The following FAM135B variants were observed in gnomAD, a reference collection of about 807,000 sequenced individuals.
FAM135B encodes the protein protein FAM135B.
In FAM135B, 43 loss-of-function variants were observed where a neutral mutation model predicts 127.7. The ratio of observed to expected loss-of-function variants is 0.34; its 90% CI spans 0.26 to 0.43. FAM135B has a LOEUF of 0.43. FAM135B is among the 20% of genes least tolerant of loss of function. The probability of loss-of-function intolerance (pLI) is 1.00; values close to 1 mark genes in which losing one functional copy is unlikely to be tolerated. For synonymous variants in FAM135B, 670 were observed against 665.1 expected (o/e 1.01, Z -0.11); for missense variants, 1,558 against 1,725.6 (o/e 0.90, Z 1.72).
chr8:138,350,600 G>T (rs959133599), intron 2 of FAM135B, among the ~76,000 whole-genome samples: 2 of 152,120 alleles, frequency 1.3e-5, no homozygotes, highest in African/African-American at 4.8e-5. Flanking sequence ...GTATCTGAAG[G>T]ACTAATGTTC....
At chr8:138,386,731 C>G (rs1832241655) in intron 1 of FAM135B, among the ~76,000 whole-genome samples, 1 of 152,166 alleles carries the variant, frequency 6.6e-6, no homozygotes, top group Non-Finnish European at 1.5e-5. Context: ...AATATCTCAG[C>G]AAAGGCTGCT....
At chr8:138,208,704 A>C (rs1271628772) in intron 7 of FAM135B, among the ~76,000 whole-genome samples, 2 of 152,220 alleles carry the variant, frequency 1.3e-5, no homozygotes, top group African/African-American at 2.4e-5. Context: ...AAGGGGAAAG[A>C]GTTCTTTGCC....
At position 138,310,849 on chromosome 8, in the gene FAM135B, C is replaced by A. The variant is rs2130892667; in HGVS notation, c.149G>T (p.Gly50Val). The A allele has an allele frequency of 6.2e-7, 1 of 1,613,822 alleles. No homozygotes were observed. Among genetic ancestry groups the A allele is most frequent in the Non-Finnish European group, 8.5e-7 (1 of 1,179,896 alleles). Reference protein sequence around the residue: ...IPHRLSASIAGQTESSSLHSA... With the variant: ...IPHRLSASIAVQTESSSLHSA... ...GCCATTCTTCTGCTCACCTGTCTGC[C>A]CAGCGATGGAGGCACTCAGTCTGTG... is the stretch of plus-strand genomic sequence containing the variant. Residue 50 changes from glycine (G) to valine (V), a missense_variant, in exon 3 of 20, where the codon GGG becomes GTG. By Grantham distance (109) the Gly-to-Val change is moderately radical. Transcript: ENST00000395297.
chr8:138,405,930 A>G (rs908972529), intron 1 of FAM135B, among the ~76,000 whole-genome samples: 11 of 151,754 alleles, frequency 7.2e-5, no homozygotes, highest in African/African-American at 2.7e-4. Flanking sequence ...ATGGTGTCTC[A>G]TTGTGGTTTT....
chr8:138,477,935 A>C (rs1226530460), intron 1 of FAM135B, among the ~76,000 whole-genome samples: 1 of 152,174 alleles, frequency 6.6e-6, no homozygotes, highest in Non-Finnish European at 1.5e-5. Context: ...AGACAGACAT[A>C]CAGTAAAGAT....
chr8:138,138,946 G>A (rs776583585), intron 18 of FAM135B, 40 bp downstream of exon 18: 2 of 1,265,012 alleles, frequency 1.6e-6, no homozygotes, highest in African/African-American at 2.9e-5. Flanking sequence ...TGAATCCCAA[G>A]CTCAAACTCA....
At chr8:138,335,322 C>CTCA (rs1828491474) in intron 2 of FAM135B, among the ~76,000 whole-genome samples, 1 of 152,126 alleles carries the variant, frequency 6.6e-6, no homozygotes, top group African/African-American at 2.4e-5. Flanking sequence ...GCCCAGCACC[C>CTCA]TCATCATCTT....
intron 9 of FAM135B, among the ~76,000 whole-genome samples, chr8:138,191,805 T>C (rs1385444018): frequency 6.6e-6 from 1 of 152,212 alleles, no homozygotes; most frequent in African/African-American, 2.4e-5. Flanking sequence ...AACTCTACTT[T>C]ATGACCACAA....
chr8:138,190,552 A>G (rs138927343), intron 9 of FAM135B, among the ~76,000 whole-genome samples: 1 of 152,380 alleles, frequency 6.6e-6, no homozygotes, highest in East Asian at 1.9e-4. Flanking sequence ...GAACCCTGCA[A>G]AGCTGCGTCT....
intron 7 of FAM135B, among the ~76,000 whole-genome samples, chr8:138,230,928 T>G (rs1010214374): frequency 6.6e-6 from 1 of 152,252 alleles, no homozygotes; most frequent in African/African-American, 2.4e-5. Flanking sequence ...TTTTAAAATC[T>G]GCTTTGTTGC....
chr8:138,198,219 C>T (rs1816821833), intron 7 of FAM135B, among the ~76,000 whole-genome samples: 1 of 152,232 alleles, frequency 6.6e-6, no homozygotes. Context: ...TGCACATGCT[C>T]TCTTGCCTGC....
chr8:138,460,577 T>C (rs1837063322), intron 1 of FAM135B, among the ~76,000 whole-genome samples: 1 of 152,198 alleles, frequency 6.6e-6, no homozygotes, highest in African/African-American at 2.4e-5. Flanking sequence ...TTGTGCCTGC[T>C]TCAGACTATT....
At chr8:138,450,754 T>G (rs1232584166) in intron 1 of FAM135B, 3 of 152,178 alleles carry the variant, frequency 2.0e-5, no homozygotes, top group Non-Finnish European at 4.4e-5. Flanking sequence ...TCTCATTCCT[T>G]ACTCAGCAAG....
chr8:138,218,783 AGAGAGAGAGAGAGAGAGAGAGG>A (rs1384802269), intron 7 of FAM135B, among the ~76,000 whole-genome samples: 5 of 118,850 alleles, frequency 4.2e-5, no homozygotes, highest in Non-Finnish European at 7.4e-5. Context: ...AGAGAGAGAG[AGAGAGAGAGAGAGAGAGAGAGG>A]GAGAGAAAGA....
intron 1 of FAM135B, among the ~76,000 whole-genome samples, chr8:138,491,769 T>C (rs1815209686): frequency 6.6e-6 from 1 of 152,026 alleles, no homozygotes; most frequent in African/African-American, 2.4e-5. Context: ...TAGAAGTAGG[T>C]GGTAAGGGTG....
intron 9 of FAM135B, among the ~76,000 whole-genome samples, chr8:138,189,375 C>T (rs999548051): frequency 6.6e-6 from 1 of 152,224 alleles, no homozygotes; most frequent in African/African-American, 2.4e-5. Flanking sequence ...ATCACTTCAA[C>T]CTCATTTTTC....
At chr8:138,469,074 AAAAG>A (rs1837536580) in intron 1 of FAM135B, among the ~76,000 whole-genome samples, 36 of 151,808 alleles carry the variant, frequency 2.4e-4, no homozygotes, top group Admixed American at 2.3e-3. Context: ...AAGAGAGAGA[AAAAG>A]AAAGAAAGAA....
At chr8:138,301,045 G>A (rs1328596532) in intron 3 of FAM135B, among the ~76,000 whole-genome samples, 4 of 151,996 alleles carry the variant, frequency 2.6e-5, no homozygotes, top group South Asian at 2.1e-4. Flanking sequence ...CACTGCACCC[G>A]GCCTTATTTT....
chr8:138,435,038 T>G (rs372444010), intron 1 of FAM135B, among the ~76,000 whole-genome samples: 2 of 152,290 alleles, frequency 1.3e-5, no homozygotes, highest in African/African-American at 4.8e-5. Context: ...CCAGGCGCGG[T>G]GGCTCGCGCC....
Sources: gnomAD v4.1 joint callset for allele counts (sites outside exome capture counted in the v4.1 genomes callset) on GRCh38, gnomAD v4.1.1 for gene constraint, MANE v1.5 for transcripts, NCBI Gene and HGNC (gene_info 2026-07-23, HGNC 2026-07-21) for gene names.